Variants in CADM2 observed in about 807,000 individuals in gnomAD.
CADM2 encodes the protein immunoglobulin superfamily member 4D.
A neutral mutation model predicts 49.8 loss-of-function variants in CADM2; 12 were observed. That is an observed-to-expected ratio of 0.24 (90% CI 0.15 to 0.39). CADM2 has a LOEUF of 0.39. CADM2 is among the 10% of genes least tolerant of loss of function. The pLI is 1.00. For missense variants in CADM2, 378 were observed against 492.3 expected (o/e 0.77, Z 2.20); for synonymous variants, 214 against 175.4 (o/e 1.22, Z -1.74).
rs192677706 is a variant in CADM2 at position 85,722,795 on chromosome 3, T to A, written c.62-3727T>A. ...AAATTTATCTAATCTCTTCTGAGAA[T>A]GCCTTCATACCCTACTAATAGTCCC... On this transcript the variant is annotated intron_variant, in intron 1 of 9. Coordinates refer to ENST00000383699, the MANE Select transcript of CADM2 (RefSeq NM_001167675.2). 2.6e-5 allele frequency among the ~76,000 whole-genome samples: 4 copies of A among 152,330 alleles called. No homozygotes were observed. The East Asian group carries it at 7.7e-4, about 29-fold the overall frequency.
Position 85,632,725 on chromosome 3 carries a change from C to T in CADM2, c.62-93797C>T, listed in dbSNP as rs771082168. On this transcript the variant is annotated intron_variant, in intron 1 of 9. Coordinates refer to ENST00000383699, the MANE Select transcript of CADM2 (RefSeq NM_001167675.2). ...TTTTGTGGGTATTTTGGAAATTTTTCAGTGCCTATGACAAGCCCAACTTCA... is the reference window on the plus strand; with the variant it reads ...TTTTGTGGGTATTTTGGAAATTTTTTAGTGCCTATGACAAGCCCAACTTCA... Among the ~76,000 whole-genome samples, 9 of 151,920 alleles carry T rather than the reference C, an allele frequency of 5.9e-5. 1 individual carries two copies. The highest frequency in any genetic ancestry group is 8.8e-5 in the Non-Finnish European group (6 of 67,950).
chr3:85,155,007 G>A (rs1217892497), intron 1 of CADM2, among the ~76,000 whole-genome samples: 14 of 151,406 alleles, frequency 9.2e-5, no homozygotes, highest in African/African-American at 2.4e-4. Context: ...AAAGACCATC[G>A]AGACTAGGAA....
At chr3:85,285,907 G>C (rs563739851) in intron 1 of CADM2, among the ~76,000 whole-genome samples, 1 of 152,144 alleles carries the variant, frequency 6.6e-6, no homozygotes, top group African/African-American at 2.4e-5. Flanking sequence ...TCAGTTTCTG[G>C]GTGATGTGGA....
rs545950857 is a variant in CADM2 at position 85,679,106 on chromosome 3, A to G, written c.62-47416A>G. On this transcript the variant is annotated intron_variant, in intron 1 of 9. Transcript: ENST00000383699. The stretch of plus-strand genomic sequence containing the variant: ...GCAGATATAAAATCAATAACCACAA[A>G]ATTAAATATATAGTATTAAATATGA... 2.8e-3 allele frequency among the ~76,000 whole-genome samples: 422 copies of G among 152,170 alleles called. 2 individuals carry two copies. The highest frequency in any genetic ancestry group is 5.4e-3 in the Non-Finnish European group (367 of 68,028).
chr3:85,608,315 TAA>T (rs1382961523), intron 1 of CADM2, among the ~76,000 whole-genome samples: 1 of 152,192 alleles, frequency 6.6e-6, no homozygotes, highest in African/African-American at 2.4e-5. Flanking sequence ...GGCCACCTAT[TAA>T]TTAAGTCGCT....
At chr3:85,105,681 C>A (rs1303891279) in intron 1 of CADM2, among the ~76,000 whole-genome samples, 1 of 152,128 alleles carries the variant, frequency 6.6e-6, no homozygotes, top group Non-Finnish European at 1.5e-5. Flanking sequence ...ATAGCAAAGA[C>A]TTGGAACCAA....
At chr3:85,669,504 C>T (rs917853695) in intron 1 of CADM2, among the ~76,000 whole-genome samples, 1 of 152,090 alleles carries the variant, frequency 6.6e-6, no homozygotes, top group Non-Finnish European at 1.5e-5. Flanking sequence ...GAAATCAGAG[C>T]AATGGTCAGT....
intron 1 of CADM2, among the ~76,000 whole-genome samples, chr3:85,436,234 G>T (rs775661188): frequency 6.6e-6 from 1 of 151,964 alleles, no homozygotes; most frequent in Non-Finnish European, 1.5e-5. Flanking sequence ...ATCTATTATT[G>T]GTGTATAGGA....
intron 1 of CADM2, among the ~76,000 whole-genome samples, chr3:85,372,532 T>G (rs2033325293): frequency 6.6e-6 from 1 of 151,992 alleles, no homozygotes; most frequent in Admixed American, 6.6e-5. Flanking sequence ...CAAGGTCATC[T>G]AGAAACAATT....
chr3:85,741,554 G>A (rs1033344317), intron 2 of CADM2, among the ~76,000 whole-genome samples: 2 of 152,082 alleles, frequency 1.3e-5, no homozygotes, highest in East Asian at 1.9e-4. Flanking sequence ...TGCAATCCCA[G>A]CTACTCAAGA....
intron 3 of CADM2, among the ~76,000 whole-genome samples, chr3:85,869,350 C>A (rs1225934297): frequency 1.3e-5 from 2 of 151,908 alleles, no homozygotes; most frequent in African/African-American, 4.8e-5. Context: ...CAGCTTCGTT[C>A]CATTCATTTT....
rs557197575 is a variant in CADM2 at position 85,091,082 on chromosome 3, T to C, written c.61+131414T>C. On this transcript the variant is annotated intron_variant, in intron 1 of 9. Coordinates refer to ENST00000383699, the MANE Select transcript of CADM2 (RefSeq NM_001167675.2). Reference sequence around the variant, plus strand: ...GGATACAATACAGACCTAATAAAACTGTTAAATCTATTGGCTATTCTTACA... The same window carrying C: ...GGATACAATACAGACCTAATAAAACCGTTAAATCTATTGGCTATTCTTACA... 5.3e-5 allele frequency among the ~76,000 whole-genome samples: 8 copies of C among 152,288 alleles called. No individual in the cohort carries two copies. The East Asian group carries it at 1.5e-3, about 29-fold the overall frequency.
intron 1 of CADM2, among the ~76,000 whole-genome samples, chr3:85,179,855 T>C (rs2040881406): frequency 6.6e-6 from 1 of 152,148 alleles, no homozygotes; most frequent in Non-Finnish European, 1.5e-5. Context: ...TAATAGGATG[T>C]TAATATGACC....
At chr3:85,371,699 A>G (rs910233769) in intron 1 of CADM2, among the ~76,000 whole-genome samples, 17 of 142,598 alleles carry the variant, frequency 1.2e-4, no homozygotes, top group East Asian at 4.1e-4. Flanking sequence ...ATATATATAT[A>G]TATATATATA....
At chr3:85,347,223 C>G (rs1253869612) in intron 1 of CADM2, among the ~76,000 whole-genome samples, 1 of 46,138 alleles carries the variant, frequency 2.2e-5, no homozygotes, top group Non-Finnish European at 3.4e-5. Context: ...CTCTGTCTCA[C>G]AAAAAAAAAA....
At chr3:85,572,592 G>A (rs543279263) in intron 1 of CADM2, among the ~76,000 whole-genome samples, 166 of 152,100 alleles carry the variant, frequency 1.1e-3, no homozygotes, top group Middle Eastern at 3.4e-3. Flanking sequence ...TATTTGTCTT[G>A]GTTCAAGTCC....
intron 3 of CADM2, among the ~76,000 whole-genome samples, chr3:85,828,289 T>C (rs1442929366): frequency 6.6e-6 from 1 of 151,974 alleles, no homozygotes; most frequent in Non-Finnish European, 1.5e-5. Context: ...CAGTCGCTTC[T>C]TTGTACTTAT....
At chr3:84,973,616 CTG>C (rs1319573595) in intron 1 of CADM2, among the ~76,000 whole-genome samples, 78 of 152,118 alleles carry the variant, frequency 5.1e-4, no homozygotes, top group Non-Finnish European at 1.2e-4. Flanking sequence ...GAGAAGAGGT[CTG>C]TGAGAAGGAA....
chr3:85,234,949 A>G (rs2042378109), intron 1 of CADM2, among the ~76,000 whole-genome samples: 1 of 152,060 alleles, frequency 6.6e-6, no homozygotes, highest in Non-Finnish European at 1.5e-5. Context: ...TGTGTGCTGA[A>G]CACTGGGTGT....
Sources: allele counts gnomAD v4.1 joint callset (sites outside exome capture counted in the v4.1 genomes callset), GRCh38; gene constraint gnomAD v4.1.1; transcripts MANE v1.5; gene names NCBI Gene and HGNC (gene_info 2026-07-23, HGNC 2026-07-21).